Variants in AXDND1 observed in about 807,000 individuals in gnomAD.
AXDND1 encodes axonemal dynein light chain domain containing 1, also known as axonemal dynein light chain domain-containing protein 1.
AXDND1 carries 110 observed loss-of-function variants against 137.5 expected under a neutral mutation model. The observed-to-expected ratio is 0.80, with a 90% CI of 0.69 to 0.94. The LOEUF (loss-of-function observed/expected upper bound fraction) is 0.94, where lower values mean the gene tolerates loss of function less well. AXDND1 is among the 40% of genes least tolerant of loss of function. AXDND1 has a pLI of 0.00. For synonymous variants in AXDND1, 414 were observed against 399.7 expected, an observed-to-expected ratio of 1.04 and a Z score of -0.43; for missense variants, 1,191 against 1,169.8, an observed-to-expected ratio of 1.02 and a Z score of -0.26.
chr1:179,502,221 T>A (rs1240637531), intron 20 of AXDND1, among the ~76,000 whole-genome samples: 1 of 152,154 alleles, frequency 6.6e-6, no homozygotes, highest in Non-Finnish European at 1.5e-5. Context: ...TCATAAGTGA[T>A]CAGGGAAATA....
At chr1:179,479,675 G>C (rs1218160837) in intron 17 of AXDND1, among the ~76,000 whole-genome samples, 2 of 152,166 alleles carry the variant, frequency 1.3e-5, no homozygotes, top group African/African-American at 4.8e-5. Flanking sequence ...TACTTGGGAG[G>C]CTGAGGCAGG....
At chr1:179,389,304 C>T (rs1649749070) in intron 9 of AXDND1, among the ~76,000 whole-genome samples, 1 of 152,168 alleles carries the variant, frequency 6.6e-6, no homozygotes. Context: ...ATTTCTCAAA[C>T]ATTTCATGCG....
At chr1:179,466,537 G>A (rs1047412885) in intron 16 of AXDND1, among the ~76,000 whole-genome samples, 1 of 151,872 alleles carries the variant, frequency 6.6e-6, no homozygotes, top group Non-Finnish European at 1.5e-5. Context: ...ATATTTTTCA[G>A]TCCTAGAATT....
intron 9 of AXDND1, among the ~76,000 whole-genome samples, chr1:179,386,754 T>G (rs1432670054): frequency 6.6e-6 from 1 of 152,082 alleles, no homozygotes; most frequent in Non-Finnish European, 1.5e-5. Context: ...ACATAGAGTC[T>G]TGCTCTGTTA....
intron 16 of AXDND1, among the ~76,000 whole-genome samples, chr1:179,465,925 C>A (rs747179510): frequency 6.6e-6 from 1 of 152,164 alleles, no homozygotes; most frequent in African/African-American, 2.4e-5. Flanking sequence ...CTGAGCCAGG[C>A]GCGGGATATA....
intron 12 of AXDND1, among the ~76,000 whole-genome samples, chr1:179,425,385 G>A (rs1385325492): frequency 6.6e-6 from 1 of 152,186 alleles, no homozygotes; most frequent in East Asian, 1.9e-4. Flanking sequence ...TGCACAGCAT[G>A]GTGCTGTTGA....
chr1:179,368,417 A>C (rs904276145), intron 2 of AXDND1, among the ~76,000 whole-genome samples: 1 of 152,220 alleles, frequency 6.6e-6, no homozygotes, highest in Non-Finnish European at 1.5e-5. Flanking sequence ...ATAATTTGAC[A>C]GCTTGGGGGG....
chr1:179,417,915 T>C (rs12758415), intron 12 of AXDND1, among the ~76,000 whole-genome samples: 44,343 of 151,372 alleles, frequency 0.29, 6,718 homozygotes, highest in Non-Finnish European at 0.31. Flanking sequence ...GTATAGATCT[T>C]TTACTTCTTT....
At chr1:179,498,907 T>C (rs567568587) in intron 20 of AXDND1, among the ~76,000 whole-genome samples, 1 of 128,124 alleles carries the variant, frequency 7.8e-6, no homozygotes, top group South Asian at 2.7e-4. Flanking sequence ...GAATAGCTTA[T>C]AAAAAGTCAA....
At chr1:179,372,810 C>T (rs557099117) in intron 4 of AXDND1, among the ~76,000 whole-genome samples, 5 of 152,060 alleles carry the variant, frequency 3.3e-5, no homozygotes, top group South Asian at 2.1e-4. Context: ...CAGCCTCTGA[C>T]GTAGCTGGGA....
chr1:179,434,729 A>G (rs1042016849), intron 15 of AXDND1, among the ~76,000 whole-genome samples: 4 of 152,186 alleles, frequency 2.6e-5, no homozygotes, highest in South Asian at 4.1e-4. Context: ...ATTTATGTCA[A>G]ACCCACAGCC....
chr1:179,479,274 C>T (rs1029202654), intron 17 of AXDND1, among the ~76,000 whole-genome samples: 5 of 149,852 alleles, frequency 3.3e-5, no homozygotes, highest in Non-Finnish European at 5.9e-5. Context: ...GTCAGGAGTT[C>T]GAGGCCAGCC....
At chr1:179,433,556 G>A (rs6425547) in intron 15 of AXDND1, among the ~76,000 whole-genome samples, 98,538 of 151,974 alleles carry the variant, frequency 0.65, 32,278 homozygotes, top group Middle Eastern at 0.71. Context: ...ACATTCTGGT[G>A]TGTTGTCTCT....
At chr1:179,426,378 C>T (rs1045759392) in intron 12 of AXDND1, among the ~76,000 whole-genome samples, 1 of 152,152 alleles carries the variant, frequency 6.6e-6, no homozygotes, top group Non-Finnish European at 1.5e-5. Flanking sequence ...ATATGTTCAA[C>T]CTCACCAATC....
chr1:179,530,605 G>A (rs1670954654), intron 23 of AXDND1, among the ~76,000 whole-genome samples: 1 of 152,024 alleles, frequency 6.6e-6, no homozygotes. Context: ...GCAGTGCCAT[G>A]TGGATAGCCC....
In AXDND1 at chr1:179,488,634, C is replaced by CTTTCTTTCTTTCTTT. The variant is rs376189496; in HGVS notation, c.2092-2904_2092-2903insTTTCTTTCTTTCTTT. Among the ~76,000 whole-genome samples the CTTTCTTTCTTTCTTT allele has an allele frequency of 6.7e-5, 7 of 105,170 alleles. 1 individual carries two copies. The highest frequency in any genetic ancestry group is 5.2e-4 in the East Asian group (2 of 3,870). The allele number at this position is 105,170 out of a possible 152,430, so 69.0% of individuals were successfully genotyped here. A position where few individuals can be genotyped will look rare whatever the true frequency, so the allele number is the denominator to read the frequency against. ...TTTCTTTCTTTCTCTCTCTCTCTCT[C>CTTTCTTTCTTTCTTT]CTTTCTTTCTTTCTTTCTTTCTTTC... On this transcript the variant is annotated intron_variant, in intron 18 of 25. Transcript: ENST00000367618.
chr1:179,444,941 C>A, intron 15 of AXDND1, 29 bp from the exon 16 acceptor site: 1 of 1,481,258 alleles, frequency 6.8e-7, no homozygotes, highest in Non-Finnish European at 9.4e-7. Flanking sequence ...GGATAATATG[C>A]TACTCTCCCT....
chr1:179,432,550 C>G (rs1297125682), intron 15 of AXDND1, among the ~76,000 whole-genome samples: 1 of 152,110 alleles, frequency 6.6e-6, no homozygotes, highest in Non-Finnish European at 1.5e-5. Context: ...CTCAGCCTCC[C>G]AAGTAGCTAG....
chr1:179,486,649 A>C (rs1313235369), intron 18 of AXDND1, among the ~76,000 whole-genome samples: 1 of 148,970 alleles, frequency 6.7e-6, no homozygotes. Context: ...AAATCCTACA[A>C]GCCAAAAGAA....
Sources: gnomAD v4.1 joint callset for allele counts (sites outside exome capture counted in the v4.1 genomes callset) on GRCh38, gnomAD v4.1.1 for gene constraint, MANE v1.5 for transcripts, NCBI Gene and HGNC (gene_info 2026-07-23, HGNC 2026-07-21) for gene names.